The following SORCS3 variants were observed in gnomAD, a reference collection of about 807,000 sequenced individuals.
SORCS3 encodes sortilin related VPS10 domain containing receptor 3.
In SORCS3, 57 loss-of-function variants were observed where a neutral mutation model predicts 146.3. The observed-to-expected ratio is 0.39, with a 90% CI of 0.31 to 0.49. SORCS3 has a LOEUF of 0.49. Ranked by LOEUF, SORCS3 falls within the 20% of genes least tolerant of loss-of-function variation. The pLI is 0.92. For missense variants in SORCS3, 1,341 were observed against 1,575.5 expected (o/e 0.85, Z 2.52); for synonymous variants, 653 against 618.5 (o/e 1.06, Z -0.83).
At chr10:104,809,643 C>T (rs1160476559) in intron 1 of SORCS3, among the ~76,000 whole-genome samples, 1 of 152,178 alleles carries the variant, frequency 6.6e-6, no homozygotes, top group African/African-American at 2.4e-5. Flanking sequence ...ATGGCCACTG[C>T]TGCAGTTGGC....
At chr10:104,706,888 A>C (rs1476656777) in intron 1 of SORCS3, among the ~76,000 whole-genome samples, 1 of 152,138 alleles carries the variant, frequency 6.6e-6, no homozygotes, top group Non-Finnish European at 1.5e-5. Context: ...TTTTCTTTTA[A>C]ACGTAAGTGT....
chr10:104,855,038 G>A (rs947816796), intron 2 of SORCS3, among the ~76,000 whole-genome samples: 28 of 152,232 alleles, frequency 1.8e-4, no homozygotes, highest in African/African-American at 4.6e-4. Flanking sequence ...ACAGGTTTTC[G>A]TGCAAACATG....
chr10:105,013,275 A>G (rs1259180918), intron 4 of SORCS3, among the ~76,000 whole-genome samples: 3 of 152,164 alleles, frequency 2.0e-5, no homozygotes, highest in Non-Finnish European at 1.5e-5. Context: ...CACCAAAAAC[A>G]TATAACATAT....
chr10:104,728,021 T>A (rs1485285340), intron 1 of SORCS3, among the ~76,000 whole-genome samples: 1 of 146,598 alleles, frequency 6.8e-6, no homozygotes, highest in Non-Finnish European at 1.5e-5. Flanking sequence ...TATATAACAG[T>A]TCTATCTATC....
chr10:104,977,734 T>TTC (rs2054908999), intron 4 of SORCS3, among the ~76,000 whole-genome samples: 1 of 143,404 alleles, frequency 7.0e-6, no homozygotes, highest in African/African-American at 2.7e-5. Context: ...TCTTTTCTTT[T>TTC]TTTTTTTTTT....
At chr10:105,003,075 G>T (rs990866373) in intron 4 of SORCS3, among the ~76,000 whole-genome samples, 26 of 152,160 alleles carry the variant, frequency 1.7e-4, no homozygotes, top group African/African-American at 5.3e-4. Flanking sequence ...AACCCTGACA[G>T]CTGGGATCTG....
chr10:105,078,761 G>C (rs927185773), intron 5 of SORCS3, among the ~76,000 whole-genome samples: 1 of 152,002 alleles, frequency 6.6e-6, no homozygotes, highest in African/African-American at 2.4e-5. Flanking sequence ...CAATGACAAG[G>C]GTGCCATTAT....
In SORCS3 at chr10:104,800,044, TAAC is replaced by T. The variant is rs1308542272; in HGVS notation, c.628-42744_628-42742del. Among the ~76,000 whole-genome samples, 4 of 152,216 alleles carry T rather than the reference TAAC, an allele frequency of 2.6e-5. No homozygotes were observed. The East Asian group carries it at 5.8e-4, about 22-fold the overall frequency. On this transcript the variant is annotated intron_variant, in intron 1 of 26. Coordinates refer to ENST00000369701, the MANE Select transcript of SORCS3 (RefSeq NM_014978.3). ...CACAAAAAAATTACATGGATGTTAATAACAACTTTATACATAATTGCCAAAACT... is the reference window on the plus strand; with the variant it reads ...CACAAAAAAATTACATGGATGTTAATAACTTTATACATAATTGCCAAAACT...
intron 4 of SORCS3, among the ~76,000 whole-genome samples, chr10:104,993,578 A>G (rs954355546): frequency 1.7e-4 from 26 of 152,244 alleles, no homozygotes; most frequent in African/African-American, 6.0e-4. Context: ...GAATGTTTTC[A>G]TAATTGAAAT....
intron 1 of SORCS3, among the ~76,000 whole-genome samples, chr10:104,653,670 G>T (rs10786814): frequency 0.34 from 51,555 of 151,706 alleles, 8,861 homozygotes; most frequent in Admixed American, 0.39. Context: ...TTAAAAAATT[G>T]TTTGTGGGTA....
At chr10:104,784,698 T>A (rs2017412140) in intron 1 of SORCS3, among the ~76,000 whole-genome samples, 1 of 152,246 alleles carries the variant, frequency 6.6e-6, no homozygotes, top group Non-Finnish European at 1.5e-5. Context: ...GAATCAAGGC[T>A]GACATAGCTT....
intron 4 of SORCS3, among the ~76,000 whole-genome samples, chr10:105,017,499 T>C (rs1034107701): frequency 6.6e-5 from 10 of 152,208 alleles, no homozygotes; most frequent in African/African-American, 2.4e-4. Flanking sequence ...ACATGGACTT[T>C]TAAAGATGGC....
chr10:105,164,348 T>C lies in SORCS3; in HGVS notation c.1778T>C (p.Ile593Thr). The part of the protein sequence containing the change: ...ELSYTDIGVF[I>T]SSDGGNTWRQ... ...TCATATACTGATATTGGTGTGTTCA[T>C]CTCCTCCGATGGGGGCAACACATGG... is the stretch of plus-strand genomic sequence containing the variant. The change falls in exon 12 of 27, where the codon ATC becomes ACC. Residue 593 changes from isoleucine (I) to threonine (T), a missense_variant. Ile to Thr is a moderately conservative substitution (Grantham distance 89). Transcript: ENST00000369701. The C allele has an allele frequency of 6.2e-7, 1 of 1,613,492 alleles. No individual in the cohort carries two copies. Among genetic ancestry groups the C allele is most frequent in the Non-Finnish European group, 8.5e-7 (1 of 1,179,568 alleles).
At chr10:104,954,928 A>G (rs1217158627) in intron 3 of SORCS3, among the ~76,000 whole-genome samples, 1 of 152,246 alleles carries the variant, frequency 6.6e-6, no homozygotes, top group African/African-American at 2.4e-5. Context: ...GCTGAAACCA[A>G]TGAGTCCCGG....
intron 18 of SORCS3, among the ~76,000 whole-genome samples, 158 bp from the exon 19 acceptor site, chr10:105,216,778 G>A (rs774389954): frequency 1.3e-5 from 2 of 152,068 alleles, no homozygotes; most frequent in South Asian, 2.1e-4. Context: ...AGTACCCTGC[G>A]GATCAGATAG....
rs113271951 is a variant in SORCS3, at chr10:104,754,513, TA to T, written c.628-88278del. The stretch of plus-strand genomic sequence containing the variant: ...CAGATGTTAGACACAAAGTCCAGAA[TA>T]GGGGGGGAAAAACTTTACCCCCCTG... On this transcript the variant is annotated intron_variant, in intron 1 of 26. Coordinates refer to ENST00000369701, the MANE Select transcript of SORCS3 (RefSeq NM_014978.3). Among the ~76,000 whole-genome samples the T allele has an allele frequency of 3.0e-4, 46 of 152,246 alleles. 1 individual carries two copies. The highest frequency in any genetic ancestry group is 1.2e-3 in the Admixed American group (18 of 15,286).
At chr10:104,839,703 G>A (rs1396802028) in intron 1 of SORCS3, among the ~76,000 whole-genome samples, 1 of 152,190 alleles carries the variant, frequency 6.6e-6, no homozygotes, top group African/African-American at 2.4e-5. Context: ...GAAGGCAGAA[G>A]TAATATTCAC....
intron 5 of SORCS3, among the ~76,000 whole-genome samples, chr10:105,050,710 C>T (rs1564742844): frequency 6.6e-6 from 1 of 152,110 alleles, no homozygotes; most frequent in Admixed American, 6.6e-5. Context: ...TTTTTAGCTC[C>T]TAAGTTTTGT....
intron 1 of SORCS3, among the ~76,000 whole-genome samples, chr10:104,744,944 A>G (rs1430462045): frequency 3.3e-5 from 5 of 152,262 alleles, no homozygotes; most frequent in Non-Finnish European, 7.3e-5. Context: ...TGATATATGC[A>G]TAAGACATGC....
Sources: gnomAD v4.1 joint callset for allele counts (sites outside exome capture counted in the v4.1 genomes callset) on GRCh38, gnomAD v4.1.1 for gene constraint, MANE v1.5 for transcripts, NCBI Gene and HGNC (gene_info 2026-07-23, HGNC 2026-07-21) for gene names.